DNM2: variants seen among roughly 807,000 people sequenced by gnomAD.
DNM2 encodes the protein dynamin 2.
A neutral mutation model predicts 99.0 loss-of-function variants in DNM2; 15 were observed. That is an observed-to-expected ratio of 0.15 (90% CI 0.10 to 0.23). The LOEUF is 0.23. Among genes scored for constraint, DNM2 ranks in the 10% least tolerant of loss-of-function variants. The probability of loss-of-function intolerance (pLI) is 1.00; values close to 1 mark genes in which losing one functional copy is unlikely to be tolerated. For missense variants in DNM2, 742 were observed against 1,189.4 expected (o/e 0.62, Z 5.53); for synonymous variants, 525 against 481.2 (o/e 1.09, Z -1.19).
At chr19:10,778,224 A>G (rs1568295406) in intron 5 of DNM2, among the ~76,000 whole-genome samples, 1 of 150,838 alleles carries the variant, frequency 6.6e-6, no homozygotes, top group Non-Finnish European at 1.5e-5. Flanking sequence ...TAATTGAGAC[A>G]GGGTTTCACC....
chr19:10,772,052 C>CTTTTT lies in DNM2; in HGVS notation c.236-425_236-421dup, dbSNP rs1159216421. Among the ~76,000 whole-genome samples the CTTTTT allele has an allele frequency of 9.6e-6, 1 of 103,650 alleles. No homozygotes were observed. Among genetic ancestry groups the CTTTTT allele is most frequent in the Non-Finnish European group, 2.0e-5 (1 of 49,288 alleles). 68.0% of individuals were successfully genotyped at this position (103,650 alleles called of 152,430 possible). On this transcript the variant is annotated intron_variant, in intron 2 of 20. Transcript: ENST00000389253. This position sits in a 1 kb window ranked among gnomAD's most constrained non-coding sequence, Gnocchi z 4.9. ...GTGACGATGATTGGGTCATTATTTTCTTTTTTATTTTATTTTATTTTATTT... is the reference window on the plus strand; with the variant it reads ...GTGACGATGATTGGGTCATTATTTTCTTTTTTTTTTTATTTTATTTTATTTTATTT...
Position 10,831,178 on chromosome 19 carries a change from C to G in DNM2, c.*131C>G. 1.4e-6 allele frequency: 2 copies of G among 1,419,116 alleles called. No homozygotes were observed. Among genetic ancestry groups the G allele is most frequent in the African/African-American group, 1.5e-5 (1 of 67,974 alleles). The allele number at this position is 1,419,116 out of a possible 1,614,324, so 87.9% of individuals were successfully genotyped here. A position where few individuals can be genotyped will look rare whatever the true frequency, so the allele number is the denominator to read the frequency against. On this transcript the variant is annotated 3_prime_UTR_variant, in exon 21 of 21. Transcript: ENST00000389253. This position sits in a 1 kb window ranked among gnomAD's most constrained non-coding sequence, Gnocchi z 4.3. ...TGGGCAGCCCTGGCCTCTTCCTTAA[C>G]GCTGGCCCCGGTCCAGGGCCGGCCC...
chr19:10,817,266 G>A lies in DNM2; in HGVS notation c.1672-2714G>A, dbSNP rs939551909. Among the ~76,000 whole-genome samples, 14 of 152,088 alleles carry A rather than the reference G, an allele frequency of 9.2e-5. No homozygotes were observed. Among genetic ancestry groups the A allele is most frequent in the Non-Finnish European group, 1.3e-4 (9 of 67,992 alleles). On this transcript the variant is annotated intron_variant, in intron 15 of 20. Transcript: ENST00000389253. This position sits in a 1 kb window ranked among gnomAD's most constrained non-coding sequence, Gnocchi z 4.6. The stretch of plus-strand genomic sequence containing the variant: ...GGCCTCCAACCCCTCGGCCGGCCTC[G>A]GGGCTCCCTCTGCCTTTCCCCAGTG...
Position 10,812,225 on chromosome 19 carries a change from G to A in DNM2, c.1558-39G>A, listed in dbSNP as rs762058987. 4.2e-5 allele frequency: 64 copies of A among 1,535,334 alleles called. No homozygotes were observed. Among genetic ancestry groups the A allele is most frequent in the South Asian group, 2.0e-4 (17 of 84,692 alleles). ...CTGCGCTGGGGGATGGCTGGGGCAC[G>A]GAGCGAGGTTCCCTGCTAAGCTGCG... On this transcript the variant is annotated intron_variant, in intron 14 of 20. Transcript: ENST00000389253. This position sits in a 1 kb window ranked among gnomAD's most constrained non-coding sequence, Gnocchi z 4.0.
In DNM2 at chr19:10,732,599, C is replaced by CA. The variant is rs562527025; in HGVS notation, c.161+14205dup. Among the ~76,000 whole-genome samples the CA allele has an allele frequency of 9.1e-3, 1,362 of 149,488 alleles. 10 individuals are homozygous for CA. Among genetic ancestry groups the CA allele is most frequent in the African/African-American group, 0.023 (931 of 40,802 alleles). On this transcript the variant is annotated intron_variant, in intron 1 of 20. Transcript: ENST00000389253. Reference sequence around the variant, plus strand: ...TGGGTGATAGAGCGAGACTCCGTCTCAAAAAAAAAGGAAAAACAATTCACC... The same window carrying CA: ...TGGGTGATAGAGCGAGACTCCGTCTCAAAAAAAAAAGGAAAAACAATTCACC...
chr19:10,828,526 G>A lies in DNM2; in HGVS notation c.2059-510G>A, dbSNP rs377132653. On this transcript the variant is annotated intron_variant, in intron 18 of 20. Coordinates refer to ENST00000389253, the MANE Select transcript of DNM2 (RefSeq NM_001005361.3). ...GGCATAAACCCGGGAGGCGGAGGTT[G>A]CAGTGAGCTGAGATTGCACCACTGC... Among the ~76,000 whole-genome samples the A allele has an allele frequency of 1.1e-3, 167 of 151,970 alleles. 1 individual carries two copies. In the South Asian group the frequency reaches 0.015, roughly 13 times the overall value.
At chr19:10,725,400 C>G (rs1239869288) in intron 1 of DNM2, among the ~76,000 whole-genome samples, 1 of 149,238 alleles carries the variant, frequency 6.7e-6, no homozygotes, top group Admixed American at 6.7e-5. Context: ...AAGCGGAGAT[C>G]ACGCCATTGC....
In DNM2 at chr19:10,831,265, G is replaced by T; in HGVS notation, c.*218G>T. The T allele has an allele frequency of 1.5e-5, 20 of 1,323,338 alleles. No homozygotes were observed. Among genetic ancestry groups the T allele is most frequent in the Non-Finnish European group, 1.7e-5 (18 of 1,040,402 alleles). The allele number at this position is 1,323,338 out of a possible 1,614,324, so 82.0% of individuals were successfully genotyped here. On this transcript the variant is annotated 3_prime_UTR_variant, in exon 21 of 21. Transcript: ENST00000389253. This position sits in a 1 kb window ranked among gnomAD's most constrained non-coding sequence, Gnocchi z 4.3. ...CCTGGAGCTCCAGGCAGGGGGCGCT[G>T]GGGTGTTGCACTTTGGGGGATGGAG...
rs2072819908 is a variant in DNM2, at chr19:10,817,906, G to A, written c.1672-2074G>A. ...TCGCACTGTAAACAGTTCCAGATGT[G>A]GCATTAGCTGGAATGGCCTGTGACT... On this transcript the variant is annotated intron_variant, in intron 15 of 20. Transcript: ENST00000389253. The surrounding 1 kb of genome is among the most constrained non-coding windows in gnomAD (Gnocchi z 4.6). Among the ~76,000 whole-genome samples the A allele has an allele frequency of 6.6e-6, 1 of 152,074 alleles. No individual in the cohort carries two copies. The highest frequency in any genetic ancestry group is 2.4e-5 in the African/African-American group (1 of 41,432).
At chr19:10,724,999 G>A (rs772832606) in intron 1 of DNM2, among the ~76,000 whole-genome samples, 7 of 152,324 alleles carry the variant, frequency 4.6e-5, no homozygotes, top group South Asian at 2.1e-4. Flanking sequence ...TCGGATGCCC[G>A]TTGGCTCCTG....
rs1431102490 is a variant in DNM2 at position 10,808,875 on chromosome 19, C to G, written c.1557+295C>G. The G allele has an allele frequency of 2.9e-5, 11 of 383,068 alleles. No homozygotes were observed. The East Asian group carries it at 4.9e-4, about 17-fold the overall frequency. 23.7% of individuals were successfully genotyped at this position (383,068 alleles called of 1,614,324 possible). A position where few individuals can be genotyped will look rare whatever the true frequency, so the allele number is the denominator to read the frequency against. ...TCAGGGATGGCAAATACTTACACACCGCCCCTGCCTCCCCTCACATCCCTG... is the reference window on the plus strand; with the variant it reads ...TCAGGGATGGCAAATACTTACACACGGCCCCTGCCTCCCCTCACATCCCTG... On this transcript the variant is annotated intron_variant, in intron 14 of 20. Coordinates refer to ENST00000389253, the MANE Select transcript of DNM2 (RefSeq NM_001005361.3).
intron 1 of DNM2, among the ~76,000 whole-genome samples, chr19:10,737,122 G>A (rs1014534872): frequency 8.6e-5 from 13 of 151,958 alleles, no homozygotes; most frequent in South Asian, 2.1e-4. Flanking sequence ...CACTCCAGCC[G>A]GGGAGACAGA....
intron 3 of DNM2, among the ~76,000 whole-genome samples, chr19:10,773,615 A>AT (rs1055697230): frequency 4.7e-4 from 70 of 149,396 alleles, no homozygotes; most frequent in African/African-American, 1.4e-3. Flanking sequence ...TGCCTGGCTA[A>AT]TTTTTTTTTT....
intron 6 of DNM2, 77 bp from the exon 7 acceptor site, chr19:10,786,487 G>A: frequency 1.9e-6 from 3 of 1,607,936 alleles, no homozygotes; most frequent in Non-Finnish European, 2.5e-6. Context: ...TTGGCCCTTG[G>A]TTGGGGGGAG....
At chr19:10,828,682 G>A (rs941172423) in intron 18 of DNM2, among the ~76,000 whole-genome samples, 2 of 152,124 alleles carry the variant, frequency 1.3e-5, no homozygotes, top group African/African-American at 4.8e-5. Context: ...GACATCAATG[G>A]AAGAGGCAAG....
Position 10,831,014 on chromosome 19 carries a change from T to C in DNM2, c.2580T>C (p.Ile860=), listed in dbSNP as rs1486619393. 1 of 1,611,030 alleles carries C rather than the reference T, an allele frequency of 6.2e-7. No individual in the cohort carries two copies. Among genetic ancestry groups the C allele is most frequent in the African/African-American group, 1.3e-5 (1 of 74,704 alleles). ...RPPAAPSRPT[I]IRPAEPSLLD ...CTGCTGCGCCCAGCCGGCCCACCATTATCCGCCCAGCCGAGCCATCCCTGC... is the reference window on the plus strand; with the variant it reads ...CTGCTGCGCCCAGCCGGCCCACCATCATCCGCCCAGCCGAGCCATCCCTGC... The change falls in exon 21 of 21, where the codon ATT becomes ATC. Residue 860 remains isoleucine (I), a synonymous_variant. Coordinates refer to ENST00000389253, the MANE Select transcript of DNM2 (RefSeq NM_001005361.3). This position sits in a 1 kb window ranked among gnomAD's most constrained non-coding sequence, Gnocchi z 4.3.
chr19:10,784,727 C>T (rs1183368423), intron 6 of DNM2, among the ~76,000 whole-genome samples: 1 of 152,168 alleles, frequency 6.6e-6, no homozygotes, highest in African/African-American at 2.4e-5. Context: ...CTTTGGGTTA[C>T]CCCACTTGCT....
intron 7 of DNM2, among the ~76,000 whole-genome samples, chr19:10,792,917 A>T (rs533337711): frequency 7.2e-4 from 110 of 152,004 alleles, no homozygotes; most frequent in Middle Eastern, 6.8e-3. Context: ...ATATATATAT[A>T]TTTTTTAATA....
chr19:10,756,962 G>A (rs1211436915), intron 1 of DNM2, among the ~76,000 whole-genome samples: 3 of 152,120 alleles, frequency 2.0e-5, no homozygotes, highest in Non-Finnish European at 4.4e-5. Context: ...ATCAGCCAGA[G>A]GGGGGTTTAA....
Sources: gnomAD v4.1 joint callset for allele counts (sites outside exome capture counted in the v4.1 genomes callset) on GRCh38, gnomAD v4.1.1 for gene constraint, Gnocchi (gnomAD v3.1) non-coding constraint, MANE v1.5 for transcripts, NCBI Gene and HGNC (gene_info 2026-07-23, HGNC 2026-07-21) for gene names.